PCDHA6: variants seen among roughly 807,000 people sequenced by gnomAD.
PCDHA6 encodes the protein protocadherin alpha-6.
PCDHA6 carries 55 observed loss-of-function variants against 60.3 expected under a neutral mutation model. The ratio of observed to expected loss-of-function variants is 0.91; its 90% CI spans 0.73 to 1.14. The LOEUF (loss-of-function observed/expected upper bound fraction) is 1.14, where lower values mean the gene tolerates loss of function less well. Ranked by LOEUF, PCDHA6 falls within the 50% of genes most tolerant of loss-of-function variation. The pLI is 0.00. For synonymous variants in PCDHA6, 652 were observed against 557.9 expected, an observed-to-expected ratio of 1.17 and a Z score of -2.38; for missense variants, 1,327 against 1,256.5, an observed-to-expected ratio of 1.06 and a Z score of -0.85.
Position 140,830,040 on chromosome 5 carries a change from T to A in PCDHA6, c.1949T>A (p.Leu650Gln), listed in dbSNP as rs2150180125. The A allele has an allele frequency of 6.2e-7, 1 of 1,613,784 alleles. No individual in the cohort carries two copies. Among genetic ancestry groups the A allele is most frequent in the South Asian group, 1.1e-5 (1 of 91,080 alleles). The change falls in exon 1 of 4, where the codon CTG (leucine) becomes CAG (glutamine). Residue 650 changes from leucine (L) to glutamine (Q), a missense_variant. By Grantham distance (113) the Leu-to-Gln change is moderately radical. Coordinates refer to ENST00000529310, the MANE Select transcript of PCDHA6 (RefSeq NM_018909.4). ...TCTCCGCGCCACCGGCTGCTGGTGC[T>A]GGTGAAAGACCACGGTGAGCCGGCG... ...ADSPRHRLLV[L>Q]VKDHGEPALT...
chr5:140,969,292 C>G, intron 1 of PCDHA6: 2 of 1,614,208 alleles, frequency 1.2e-6, no homozygotes, highest in Non-Finnish European at 1.7e-6. Context: ...ATGCTGGGAA[C>G]CTGATTATTC....
chr5:140,849,298 A>T lies in PCDHA6; in HGVS notation c.2394+18813A>T, dbSNP rs1182153594. 25 of 1,269,106 alleles carry T rather than the reference A, an allele frequency of 2.0e-5. No individual in the cohort carries two copies. The highest frequency in any genetic ancestry group is 2.6e-5 in the Non-Finnish European group (24 of 927,200). 78.6% of individuals were successfully genotyped at this position (1,269,106 alleles called of 1,614,324 possible). On this transcript the variant is annotated intron_variant, in intron 1 of 3. Transcript: ENST00000529310. ...CTGGTGATTCACCCCAATGCCTCAG[A>T]TTTAGACGAAGGCTTGAATGGGGAT... is the stretch of plus-strand genomic sequence containing the variant.
intron 1 of PCDHA6, chr5:140,876,391 G>T: frequency 6.2e-7 from 1 of 1,613,920 alleles, no homozygotes; most frequent in South Asian, 1.1e-5. Context: ...AATTTATGGT[G>T]AACTGGATTT....
Position 141,009,957 on chromosome 5 carries a change from G to T in PCDHA6, c.*20G>T. ...CAGTGAGGTCCTCAAATGGAAACAA[G>T]CCACTTAGCCAGTTTTTGTAATAAT... On this transcript the variant is annotated 3_prime_UTR_variant, in exon 4 of 4. Coordinates refer to ENST00000529310, the MANE Select transcript of PCDHA6 (RefSeq NM_018909.4). 1 of 1,589,160 alleles carries T rather than the reference G, an allele frequency of 6.3e-7. No homozygotes were observed. Among genetic ancestry groups the T allele is most frequent in the Non-Finnish European group, 8.5e-7 (1 of 1,171,102 alleles).
chr5:140,855,908 C>T, intron 1 of PCDHA6: 1 of 1,151,190 alleles, frequency 8.7e-7, no homozygotes, highest in Non-Finnish European at 1.2e-6. Context: ...GCCAGTTTCT[C>T]AAGGACTAGG....
intron 1 of PCDHA6, among the ~76,000 whole-genome samples, chr5:140,840,240 T>A (rs1483870006): frequency 1.3e-5 from 2 of 152,050 alleles, no homozygotes; most frequent in Non-Finnish European, 2.9e-5. Context: ...GGAGAATCAC[T>A]ATGCTATAAA....
At chr5:140,981,128 G>A (rs1340714771) in intron 2 of PCDHA6, among the ~76,000 whole-genome samples, 1 of 152,214 alleles carries the variant, frequency 6.6e-6, no homozygotes, top group Non-Finnish European at 1.5e-5. Flanking sequence ...GTTGTTTGAA[G>A]TCAAAGAGTG....
chr5:140,864,764 T>C (rs1202500851), intron 1 of PCDHA6: 2 of 152,238 alleles, frequency 1.3e-5, no homozygotes, highest in East Asian at 3.8e-4. Context: ...TTTTCTTTCA[T>C]TTTTGGTACC....
At chr5:140,951,082 C>G (rs1563248212) in intron 1 of PCDHA6, among the ~76,000 whole-genome samples, 1 of 151,404 alleles carries the variant, frequency 6.6e-6, no homozygotes, top group African/African-American at 2.4e-5. Context: ...TTATATTTTC[C>G]TTTTTTTCTG....
Position 140,828,077 on chromosome 5 carries a change from C to T in PCDHA6, c.-15C>T, listed in dbSNP as rs782554927. The T allele has an allele frequency of 1.9e-6, 3 of 1,577,254 alleles. No individual in the cohort carries two copies. The highest frequency in any genetic ancestry group is 2.2e-5 in the East Asian group (1 of 44,542). On this transcript the variant is annotated 5_prime_UTR_variant, in exon 1 of 4. Coordinates refer to ENST00000529310, the MANE Select transcript of PCDHA6 (RefSeq NM_018909.4). The stretch of plus-strand genomic sequence containing the variant: ...GGAAGATCTTCTAATGGAAATAAAA[C>T]CAGAGGTATTTGACATGGTGTTTAC...
intron 1 of PCDHA6, chr5:140,871,449 G>A: frequency 6.2e-7 from 1 of 1,608,762 alleles, no homozygotes; most frequent in Non-Finnish European, 8.5e-7. Context: ...TGAATAAAGA[G>A]GAGGAAGGGG....
intron 1 of PCDHA6, chr5:140,877,589 C>T (rs1554169905): frequency 1.2e-6 from 2 of 1,613,848 alleles, no homozygotes; most frequent in Non-Finnish European, 1.7e-6. Context: ...GCCATCTGTG[C>T]GGTGTCCAGC....
rs193007351 is a variant in PCDHA6 at position 140,836,957 on chromosome 5, G to A, written c.2394+6472G>A. The A allele has an allele frequency of 4.7e-4, 193 of 414,742 alleles. 3 individuals carry two copies. In the East Asian group the frequency reaches 5.2e-3, roughly 11 times the overall value. The allele number at this position is 414,742 out of a possible 1,614,324, so 25.7% of individuals were successfully genotyped here. On this transcript the variant is annotated intron_variant, in intron 1 of 3. Coordinates refer to ENST00000529310, the MANE Select transcript of PCDHA6 (RefSeq NM_018909.4). ...CTATAGATCAAAATCTATGGTTTATGTTGGCTACTCTCCATTTTTGGAGGA... is the reference window on the plus strand; with the variant it reads ...CTATAGATCAAAATCTATGGTTTATATTGGCTACTCTCCATTTTTGGAGGA...
chr5:140,984,042 T>C (rs2097082521), intron 3 of PCDHA6, among the ~76,000 whole-genome samples: 1 of 152,148 alleles, frequency 6.6e-6, no homozygotes, highest in Non-Finnish European at 1.5e-5. Flanking sequence ...ATAAAATAGT[T>C]CATTGACAAA....
intron 1 of PCDHA6, chr5:140,843,832 T>C (rs1176599211): frequency 8.9e-7 from 1 of 1,120,192 alleles, no homozygotes; most frequent in Non-Finnish European, 1.3e-6. Flanking sequence ...AAACATTGTT[T>C]AGTTTTTAGA....
At chr5:140,936,863 A>G (rs1177234152) in intron 1 of PCDHA6, among the ~76,000 whole-genome samples, 1 of 152,120 alleles carries the variant, frequency 6.6e-6, no homozygotes, top group East Asian at 1.9e-4. Context: ...CTCAGTTTCT[A>G]TTTTAAAAAA....
intron 1 of PCDHA6, among the ~76,000 whole-genome samples, chr5:140,930,742 A>G (rs2087064675): frequency 6.6e-6 from 1 of 152,216 alleles, no homozygotes; most frequent in Non-Finnish European, 1.5e-5. Context: ...AATAAAATAA[A>G]TTTACATATG....
chr5:140,863,415 C>T (rs782613716), intron 1 of PCDHA6: 2 of 737,502 alleles, frequency 2.7e-6, no homozygotes, highest in Admixed American at 1.9e-5. Flanking sequence ...CGCTGGTGTA[C>T]CGCAGCGTAG....
Position 140,870,112 on chromosome 5 carries a change from G to T in PCDHA6, c.2394+39627G>T, listed in dbSNP as rs781902121. ...AATGGCAGGTCACTGTACAGTCTGG[G>T]TGGAAATCTTGGACACCAACGATAA... On this transcript the variant is annotated intron_variant, in intron 1 of 3. Transcript: ENST00000529310. 2 of 1,613,938 alleles carry T rather than the reference G, an allele frequency of 1.2e-6. No homozygotes were observed. The highest frequency in any genetic ancestry group is 2.2e-5 in the South Asian group (2 of 91,080).
Sources: allele counts gnomAD v4.1 joint callset (sites outside exome capture counted in the v4.1 genomes callset), GRCh38; gene constraint gnomAD v4.1.1; transcripts MANE v1.5; gene names NCBI Gene and HGNC (gene_info 2026-07-23, HGNC 2026-07-21).